The following NID2 variants were observed in gnomAD, a reference collection of about 807,000 sequenced individuals.
The protein encoded by NID2 is nidogen-2.
NID2 carries 83 observed loss-of-function variants against 145.4 expected under a neutral mutation model. The ratio of observed to expected loss-of-function variants is 0.57; its 90% CI spans 0.48 to 0.69. The LOEUF (loss-of-function observed/expected upper bound fraction) is 0.69, where lower values mean the gene tolerates loss of function less well. Ranked by LOEUF, NID2 falls within the 30% of genes least tolerant of loss-of-function variation. The pLI, the probability that NID2 is intolerant of heterozygous loss-of-function variation, is 0.00. For synonymous variants in NID2, 739 were observed against 701.3 expected (o/e 1.05, Z -0.85); for missense variants, 1,807 against 1,765.7 (o/e 1.02, Z -0.42).
At chr14:52,044,309 G>A (rs1009805273) in intron 5 of NID2, among the ~76,000 whole-genome samples, 7 of 118,668 alleles carry the variant, frequency 5.9e-5, no homozygotes, top group Admixed American at 1.2e-4. Context: ...TCGCTCTGTC[G>A]CCCAGGCTGG....
At chr14:52,007,690 AG>A in intron 19 of NID2, 119 bp downstream of exon 19, 1 of 939,868 alleles carries the variant, frequency 1.1e-6, no homozygotes, top group Admixed American at 2.3e-5. Context: ...AGTACTTAAA[AG>A]TTTACAGACC....
At position 52,063,269 on chromosome 14, in the gene NID2, C is replaced by A. The variant is rs1211976970; in HGVS notation, c.535-2913G>T. 3.3e-5 allele frequency among the ~76,000 whole-genome samples: 5 copies of A among 152,228 alleles called. No individual in the cohort carries two copies. The South Asian group carries it at 1.0e-3, about 31-fold the overall frequency. Reference sequence around the variant, plus strand: ...CCCTCAGATGGGCTGCCAAACCTGACAAACGAGTCACTGGTTCCCAGCTCC... The same window carrying A: ...CCCTCAGATGGGCTGCCAAACCTGAAAAACGAGTCACTGGTTCCCAGCTCC... On this transcript the variant is annotated intron_variant, in intron 2 of 21. Transcript: ENST00000216286.
intron 12 of NID2, among the ~76,000 whole-genome samples, chr14:52,026,556 T>G (rs1459335792): frequency 6.6e-6 from 1 of 152,254 alleles, no homozygotes; most frequent in Non-Finnish European, 1.5e-5. Context: ...ATGATTTCTA[T>G]TTTAAAGTAC....
intron 14 of NID2, among the ~76,000 whole-genome samples, chr14:52,017,419 C>G (rs1472537545): frequency 3.3e-5 from 5 of 152,114 alleles, no homozygotes; most frequent in Admixed American, 1.3e-4. Context: ...TCAGAGATAG[C>G]AGTTGGGGCC....
At chr14:52,068,398 C>A (rs926284448) in intron 1 of NID2, among the ~76,000 whole-genome samples, 1 of 152,230 alleles carries the variant, frequency 6.6e-6, no homozygotes, top group Admixed American at 6.5e-5. Flanking sequence ...CCCCTCACAA[C>A]CCCGGAGCCC....
At chr14:52,011,167 C>A in intron 17 of NID2, 120 bp from the exon 18 acceptor site, 2 of 842,902 alleles carry the variant, frequency 2.4e-6, no homozygotes, top group Non-Finnish European at 1.8e-6. Context: ...CAAGTGTCTC[C>A]AAGTCCCCAA....
Position 52,053,575 on chromosome 14 carries a change from T to G in NID2, c.1429+4A>C. 1 of 1,608,364 alleles carries G rather than the reference T, an allele frequency of 6.2e-7. No homozygotes were observed. The highest frequency in any genetic ancestry group is 8.5e-7 in the Non-Finnish European group (1 of 1,176,198). On this transcript the variant is annotated splice_donor_region_variant and intron_variant, in intron 5 of 21. Transcript: ENST00000216286. The stretch of plus-strand genomic sequence containing the variant: ...CTTAGCACCCAGTTTTCTAATGCAC[T>G]CACCCTCGGTGTTGGAACCTATGTT...
At chr14:52,005,635 G>A in intron 21 of NID2, 102 bp downstream of exon 21, 4 of 1,358,126 alleles carry the variant, frequency 2.9e-6, no homozygotes, top group Non-Finnish European at 3.2e-6. Flanking sequence ...CAGGAAGAAG[G>A]CAATGGTGGC....
intron 5 of NID2, among the ~76,000 whole-genome samples, chr14:52,045,260 G>C (rs1057473146): frequency 6.6e-6 from 1 of 152,300 alleles, no homozygotes; most frequent in Admixed American, 6.5e-5. Flanking sequence ...GGTAAGAAAT[G>C]AGAGTAGCAG....
chr14:52,049,377 T>C (rs536008818), intron 5 of NID2, among the ~76,000 whole-genome samples: 1 of 152,290 alleles, frequency 6.6e-6, no homozygotes, highest in African/African-American at 2.4e-5. Context: ...ATCTTCATTT[T>C]CCCAGAAACA....
Position 52,016,831 on chromosome 14 carries a change from T to A in NID2, c.3029-1556A>T, listed in dbSNP as rs534361609. ...AAAGCTGGGAGCATTATGATCAGGT[T>A]CCAGCACCTACAATTCCTCTTGGAA... is the stretch of plus-strand genomic sequence containing the variant. On this transcript the variant is annotated intron_variant, in intron 14 of 21. Transcript: ENST00000216286. 9.2e-5 allele frequency among the ~76,000 whole-genome samples: 14 copies of A among 152,316 alleles called. 2 individuals are homozygous for A. In the East Asian group the frequency reaches 2.5e-3, roughly 27 times the overall value.
intron 9 of NID2, among the ~76,000 whole-genome samples, chr14:52,031,119 T>C (rs1361231717): frequency 1.3e-5 from 2 of 152,192 alleles, no homozygotes; most frequent in African/African-American, 4.8e-5. Context: ...CAACCCTCAC[T>C]GAAGGAACTT....
intron 5 of NID2, 133 bp from the exon 6 acceptor site, chr14:52,043,064 C>T: frequency 1.2e-6 from 1 of 808,264 alleles, no homozygotes; most frequent in Non-Finnish European, 2.0e-6. Flanking sequence ...AAGAGACCGG[C>T]ATAACATTCA....
At chr14:52,025,275 G>A (rs1180240670) in intron 12 of NID2, among the ~76,000 whole-genome samples, 2 of 152,200 alleles carry the variant, frequency 1.3e-5, no homozygotes, top group Non-Finnish European at 2.9e-5. Flanking sequence ...TATACTCAAT[G>A]TTTTCTCACC....
Position 52,020,197 on chromosome 14 carries a change from G to A in NID2, c.2675-19C>T, listed in dbSNP as rs1566748397. ...TCTACATCTGCAGAGGTCAGAAACA[G>A]AAGAAAGAAGCAAAGAACACTATGA... On this transcript the variant is annotated intron_variant, in intron 12 of 21. Coordinates refer to ENST00000216286, the MANE Select transcript of NID2 (RefSeq NM_007361.4). 8.7e-6 allele frequency: 14 copies of A among 1,612,694 alleles called. No individual in the cohort carries two copies. The highest frequency in any genetic ancestry group is 1.0e-5 in the Non-Finnish European group (12 of 1,179,086).
chr14:52,068,187 G>A, intron 1 of NID2, 24 bp from the exon 2 acceptor site: 1 of 1,607,186 alleles, frequency 6.2e-7, no homozygotes, highest in Non-Finnish European at 8.5e-7. Context: ...GGGACAAAAA[G>A]GTGACAGTCG....
intron 12 of NID2, among the ~76,000 whole-genome samples, chr14:52,020,687 T>C (rs540650314): frequency 6.6e-6 from 1 of 152,358 alleles, no homozygotes; most frequent in African/African-American, 2.4e-5. Flanking sequence ...ACATTCTGTC[T>C]TGACTAATTA....
chr14:52,043,491 G>A (rs1459738395), intron 5 of NID2, among the ~76,000 whole-genome samples: 1 of 152,196 alleles, frequency 6.6e-6, no homozygotes, highest in Non-Finnish European at 1.5e-5. Context: ...AGGGGACAGA[G>A]GAGGGCAAAA....
intron 9 of NID2, among the ~76,000 whole-genome samples, chr14:52,033,193 T>C (rs577608769): frequency 3.9e-4 from 59 of 152,322 alleles, no homozygotes; most frequent in African/African-American, 1.3e-3. Flanking sequence ...CTCACCCTCT[T>C]AAACTGCCTG....
Sources: allele counts gnomAD v4.1 joint callset (sites outside exome capture counted in the v4.1 genomes callset), GRCh38; gene constraint gnomAD v4.1.1; transcripts MANE v1.5; gene names NCBI Gene and HGNC (gene_info 2026-07-23, HGNC 2026-07-21).